CLDN15: variants seen among roughly 807,000 people sequenced by gnomAD.
CLDN15 encodes the protein claudin-15.
CLDN15 carries 9 observed loss-of-function variants against 24.5 expected under a neutral mutation model. That is an observed-to-expected ratio of 0.37 (90% confidence interval 0.22 to 0.64). CLDN15 has a LOEUF of 0.64. CLDN15 is among the 30% of genes least tolerant of loss of function. The pLI is 0.63. For missense variants in CLDN15, 248 were observed against 305.9 expected, an observed-to-expected ratio of 0.81 and a Z score of 1.41; for synonymous variants, 149 against 131.4, an observed-to-expected ratio of 1.13 and a Z score of -0.92.
chr7:101,233,932 CTGTGGACGTGCACTG>C, intron 2 of CLDN15: 1 of 440,718 alleles, frequency 2.3e-6, no homozygotes, highest in Non-Finnish European at 4.4e-6. Context: ...TGGTATGGCA[CTGTGGACGTGCACTG>C]TGTGTGTGCG....
chr7:101,234,236 C>T lies in CLDN15; in HGVS notation c.382+42G>A, dbSNP rs202064618. The T allele has an allele frequency of 1.1e-4, 158 of 1,490,304 alleles. No homozygotes were observed. In the African/African-American group the frequency reaches 1.3e-3, roughly 12 times the overall value. 92.3% of individuals were successfully genotyped at this position (1,490,304 alleles called of 1,614,324 possible). A position where few individuals can be genotyped will look rare whatever the true frequency, so the allele number is the denominator to read the frequency against. On this transcript the variant is annotated intron_variant, in intron 2 of 4. Coordinates refer to ENST00000308344, the MANE Select transcript of CLDN15 (RefSeq NM_014343.3). ...TGAGGACAAAGCAGCCTGAAGTCTG[C>T]GGTTGAGGGGGACCCCCGCCCCATC...
rs777429148 is a variant in CLDN15, at chr7:101,237,553, A to T, written c.29T>A (p.Phe10Tyr). MSMAVETFG[F>Y]FMATVGLLML... is the part of the protein sequence containing the mutation. ...CAGCAGCCCCACAGTTGCCATGAAG[A>T]AGCCAAAGGTTTCCACAGCCATCGA... Residue 10 changes from phenylalanine (F) to tyrosine (Y), a missense_variant, in exon 1 of 5, where the codon TTC (phenylalanine) becomes TAC (tyrosine). Physicochemically the swap from Phe to Tyr is conservative, Grantham distance 22. Transcript: ENST00000308344. This position sits in a 1 kb window ranked among gnomAD's most constrained non-coding sequence, Gnocchi z 4.0. The T allele has an allele frequency of 5.6e-6, 9 of 1,614,138 alleles. No individual in the cohort carries two copies. In the African/African-American group the frequency reaches 1.1e-4, roughly 19 times the overall value.
At chr7:101,233,555 G>A (rs1798543378) in intron 2 of CLDN15, among the ~76,000 whole-genome samples, 1 of 152,126 alleles carries the variant, frequency 6.6e-6, no homozygotes, top group South Asian at 2.1e-4. Flanking sequence ...TTCTCACTAT[G>A]CTGCCCAGGC....
rs1315749182 is a variant in CLDN15, at chr7:101,236,107, CCT to C, written c.217+1256_217+1257del. Among the ~76,000 whole-genome samples, 3 of 152,174 alleles carry C rather than the reference CCT, an allele frequency of 2.0e-5. No individual in the cohort carries two copies. The East Asian group carries it at 5.8e-4, about 29-fold the overall frequency. On this transcript the variant is annotated intron_variant, in intron 1 of 4. Coordinates refer to ENST00000308344, the MANE Select transcript of CLDN15 (RefSeq NM_014343.3). ...CTTTCATGCAGTTGCCAGGGGTGCC[CCT>C]CTCAGGTGTGCAGGCTCACAGCAGA...
intron 1 of CLDN15, among the ~76,000 whole-genome samples, chr7:101,236,269 GGC>G (rs910404884): frequency 4.2e-4 from 63 of 151,308 alleles, no homozygotes; most frequent in African/African-American, 1.5e-3. Flanking sequence ...TTGGGGGGGG[GGC>G]CCGCCGGCCC....
chr7:101,236,701 G>C (rs1798632176), intron 1 of CLDN15: 1 of 1,280,220 alleles, frequency 7.8e-7, no homozygotes, highest in African/African-American at 1.5e-5. Flanking sequence ...GTTGGCTCCA[G>C]CCCTCTAAGA....
At chr7:101,236,936 GC>G in intron 1 of CLDN15, 2 of 596,880 alleles carry the variant, frequency 3.4e-6, no homozygotes, top group Non-Finnish European at 5.6e-6. Context: ...TCCTCCCCCT[GC>G]CCACCCCAGC....
intron 4 of CLDN15, 40 bp downstream of exon 4, chr7:101,232,564 C>A: frequency 6.3e-7 from 1 of 1,595,604 alleles, no homozygotes; most frequent in Non-Finnish European, 8.6e-7. Context: ...CTCCTCTCTC[C>A]AATCCCGCCC....
rs750009235 is a variant in CLDN15, at chr7:101,232,927, G to A, written c.383-13C>T. ...ATCCCGCAGATACCTGGGGACCGGA[G>A]GACGACCCCAGTCCAGTCCAGGGGG... is the stretch of plus-strand genomic sequence containing the variant. On this transcript the variant is annotated splice_polypyrimidine_tract_variant and intron_variant, in intron 2 of 4. Transcript: ENST00000308344. 3.5e-5 allele frequency: 56 copies of A among 1,605,224 alleles called. 1 individual carries two copies. In the South Asian group the frequency reaches 6.2e-4, roughly 18 times the overall value.
chr7:101,237,507 T>C lies in CLDN15; in HGVS notation c.75A>G (p.Pro25=), dbSNP rs765325744. 6.2e-7 allele frequency: 1 copy of C among 1,614,116 alleles called. No homozygotes were observed. The highest frequency in any genetic ancestry group is 1.7e-5 in the Admixed American group (1 of 60,014). ...CAGTGGACACTCGCCAGTAGCTGTT[T>C]GGCAGAGTCACCCCCAGCATCAGCA... ...VGLLMLGVTL[P]NSYWRVSTVH... Residue 25 remains proline (P), a synonymous_variant, in exon 1 of 5, where the codon CCA becomes CCG. Transcript: ENST00000308344. The surrounding 1 kb of genome is among the most constrained non-coding windows in gnomAD (Gnocchi z 4.0).
At chr7:101,236,416 G>A (rs894274128) in intron 1 of CLDN15, among the ~76,000 whole-genome samples, 3 of 152,284 alleles carry the variant, frequency 2.0e-5, no homozygotes, top group Admixed American at 6.5e-5. Flanking sequence ...CAACATCCCC[G>A]GGGGTGAGCT....
chr7:101,232,873 T>A lies in CLDN15; in HGVS notation c.424A>T (p.Ile142Phe). 1 of 1,612,472 alleles carries A rather than the reference T, an allele frequency of 6.2e-7. No individual in the cohort carries two copies. The highest frequency in any genetic ancestry group is 2.2e-5 in the East Asian group (1 of 44,784). Residue 142 changes from isoleucine to phenylalanine, a missense_variant, in exon 3 of 5, where the codon ATC becomes TTC. Physicochemically the swap from Ile to Phe is conservative, Grantham distance 21. Transcript: ENST00000308344. ...MVAISWYAFN[I>F]TRDFFDPLYP... ...AAGGGGTCGAAGAAGTCCCGGGTGA[T>A]GTTGAAGGCGTACCAGGAGATGGCC...
rs138215552 is a variant in CLDN15, at chr7:101,234,374, C to T, written c.286G>A (p.Gly96Ser). The change falls in exon 2 of 5, where the codon GGC becomes AGC. Residue 96 changes from glycine to serine, a missense_variant. By Grantham distance (56) the Gly-to-Ser change is moderately conservative. Transcript: ENST00000308344. Reference sequence around the variant, plus strand: ...TTGGTGCAGCGCAGGCCCGCTATGCCTAGCAAGAGGCCGAGGAAGCCCAGG... The same window carrying T: ...TTGGTGCAGCGCAGGCCCGCTATGCTTAGCAAGAGGCCGAGGAAGCCCAGG... The part of the protein sequence containing the change: ...ILLGFLGLLL[G>S]IAGLRCTNIG... 400 of 1,613,074 alleles carry T rather than the reference C, an allele frequency of 2.5e-4. 6 individuals are homozygous for T. The South Asian group carries it at 4.1e-3, about 17-fold the overall frequency.
chr7:101,235,388 T>C (rs1798602337), intron 1 of CLDN15, among the ~76,000 whole-genome samples: 1 of 152,168 alleles, frequency 6.6e-6, no homozygotes, highest in Non-Finnish European at 1.5e-5. Flanking sequence ...CTCAGCCTCC[T>C]GAGTAGCTCA....
At position 101,232,678 on chromosome 7, in the gene CLDN15, T is replaced by C; in HGVS notation, c.507A>G (p.Ser169=). The C allele has an allele frequency of 6.3e-7, 1 of 1,592,386 alleles. No individual in the cohort carries two copies. The highest frequency in any genetic ancestry group is 8.5e-7 in the Non-Finnish European group (1 of 1,170,040). ...GPALYLGWSA[S]LISILGGLCL... ...AGAGGCCACCCAGGATGGAGATCAG[T>C]GAGGCGCTCCACCCCAGGTAGAGGG... The change falls in exon 4 of 5, where the codon TCA becomes TCG. Residue 169 remains serine (S), a synonymous_variant. Transcript: ENST00000308344.
chr7:101,238,605 G>A (rs1478239865), upstream of CLDN15: 1 of 152,188 alleles, frequency 6.6e-6, no homozygotes, highest in Admixed American at 6.5e-5. Flanking sequence ...TCACAGGGCT[G>A]AGGCCACCAG....
At chr7:101,234,142 T>C (rs1584266438) in intron 2 of CLDN15, 136 bp downstream of exon 2, 3 of 799,926 alleles carry the variant, frequency 3.8e-6, no homozygotes, top group Non-Finnish European at 6.6e-6. Flanking sequence ...GAGGCAGGGG[T>C]GAGCAGGTGT....
chr7:101,233,522 T>C (rs570898417), intron 2 of CLDN15, among the ~76,000 whole-genome samples: 6 of 152,238 alleles, frequency 3.9e-5, no homozygotes, highest in African/African-American at 1.4e-4. Flanking sequence ...GATGGCATTG[T>C]TTTTGTTTTT....
In CLDN15 at chr7:101,232,362, C is replaced by T. The variant is rs1798516937; in HGVS notation, c.*48G>A. 2 of 1,400,384 alleles carry T rather than the reference C, an allele frequency of 1.4e-6. No homozygotes were observed. Among genetic ancestry groups the T allele is most frequent in the East Asian group, 2.3e-5 (1 of 43,542 alleles). The allele number at this position is 1,400,384 out of a possible 1,614,324, so 86.7% of individuals were successfully genotyped here. ...GGGGAATGGGCCCCGGCCAGGTCCC[C>T]TCTCCTTGGGGCAGTGGGAAGACAG... On this transcript the variant is annotated 3_prime_UTR_variant, in exon 5 of 5. Transcript: ENST00000308344.
Sources: allele counts gnomAD v4.1 joint callset (sites outside exome capture counted in the v4.1 genomes callset), GRCh38; gene constraint gnomAD v4.1.1; non-coding constraint Gnocchi (gnomAD v3.1); transcripts MANE v1.5; gene names NCBI Gene and HGNC (gene_info 2026-07-23, HGNC 2026-07-21).